OLFM3: variants seen among roughly 807,000 people sequenced by gnomAD.
The protein encoded by OLFM3 is noelin-3.
In OLFM3, 20 loss-of-function variants were observed where a neutral mutation model predicts 48.6. That is an observed-to-expected ratio of 0.41 (90% CI 0.29 to 0.60). The LOEUF (loss-of-function observed/expected upper bound fraction) is 0.60. Ranked by LOEUF, OLFM3 falls within the 20% of genes least tolerant of loss-of-function variation. The probability of loss-of-function intolerance (pLI) is 0.28; values close to 1 mark genes in which losing one functional copy is unlikely to be tolerated. For missense variants in OLFM3, 437 were observed against 544.3 expected (o/e 0.80, Z 1.96); for synonymous variants, 222 against 198.1 (o/e 1.12, Z -1.01).
intron 1 of OLFM3, among the ~76,000 whole-genome samples, chr1:101,945,894 ATTG>A (rs1659950621): frequency 6.6e-6 from 1 of 152,158 alleles, no homozygotes; most frequent in Admixed American, 6.6e-5. Context: ...ATAAATAAAT[ATTG>A]TTATTATAAT....
chr1:101,813,412 A>G (rs74106125), intron 4 of OLFM3, among the ~76,000 whole-genome samples: 2,256 of 152,226 alleles, frequency 0.015, 62 homozygotes, highest in African/African-American at 0.052. Context: ...AGCAAATTAA[A>G]CTACTGTTCC....
At chr1:101,895,970 G>GTAATAATAATAA (rs71720190) in intron 1 of OLFM3, among the ~76,000 whole-genome samples, 97 of 145,050 alleles carry the variant, frequency 6.7e-4, no homozygotes, top group Middle Eastern at 3.6e-3. Flanking sequence ...TAAAACATAG[G>GTAATAATAATAA]TAATAATAAT....
intron 1 of OLFM3, among the ~76,000 whole-genome samples, chr1:101,838,827 T>C (rs1655567977): frequency 6.6e-6 from 1 of 152,198 alleles, no homozygotes; most frequent in Admixed American, 6.5e-5. Context: ...GTTGACTTCT[T>C]TCTCCACAGA....
intron 1 of OLFM3, among the ~76,000 whole-genome samples, chr1:101,861,924 C>T (rs139707590): frequency 1.3e-5 from 2 of 152,218 alleles, no homozygotes; most frequent in African/African-American, 4.8e-5. Flanking sequence ...AGGGAGATTG[C>T]ACAGCAGAAG....
At chr1:101,822,695 A>G (rs1654666865) in intron 4 of OLFM3, among the ~76,000 whole-genome samples, 1 of 152,106 alleles carries the variant, frequency 6.6e-6, no homozygotes, top group South Asian at 2.1e-4. Context: ...TTTGAGATTT[A>G]CTTGTTATCT....
At chr1:101,959,337 CTTT>C (rs34790874) in intron 1 of OLFM3, among the ~76,000 whole-genome samples, 45 of 105,994 alleles carry the variant, frequency 4.2e-4, no homozygotes, top group African/African-American at 5.1e-4. Flanking sequence ...TCCTCCCCTC[CTTT>C]TTTTTTTTTT....
At chr1:101,914,974 G>C (rs1570626452) in intron 1 of OLFM3, among the ~76,000 whole-genome samples, 1 of 152,158 alleles carries the variant, frequency 6.6e-6, no homozygotes, top group African/African-American at 2.4e-5. Context: ...TTTTTATCTT[G>C]ATTTCATTCC....
intron 1 of OLFM3, chr1:101,837,777 C>G (rs1198508315): frequency 6.6e-6 from 1 of 152,176 alleles, no homozygotes; most frequent in East Asian, 1.9e-4. Flanking sequence ...CCAAATCGGT[C>G]TGTGTGCGTC....
intron 1 of OLFM3, among the ~76,000 whole-genome samples, chr1:101,938,370 C>T (rs1277213913): frequency 6.6e-6 from 1 of 152,168 alleles, no homozygotes; most frequent in Admixed American, 6.5e-5. Flanking sequence ...CCTGGTGAAT[C>T]TTTGGGGGAT....
chr1:101,819,434 T>C (rs1460499839), intron 4 of OLFM3, among the ~76,000 whole-genome samples: 1 of 152,042 alleles, frequency 6.6e-6, no homozygotes, highest in African/African-American at 2.4e-5. Context: ...CTAAATATTT[T>C]TTAGTGATGG....
intron 1 of OLFM3, among the ~76,000 whole-genome samples, chr1:101,928,167 T>C (rs997136670): frequency 1.5e-4 from 23 of 152,246 alleles, no homozygotes; most frequent in Middle Eastern, 3.4e-3. Context: ...CATGAAATCT[T>C]TCTTCATATG....
intron 1 of OLFM3, among the ~76,000 whole-genome samples, chr1:101,839,577 G>C (rs1195682937): frequency 6.6e-6 from 1 of 152,100 alleles, no homozygotes; most frequent in African/African-American, 2.4e-5. Flanking sequence ...AAGGATGAGA[G>C]GCCACCCAAT....
intron 1 of OLFM3, among the ~76,000 whole-genome samples, chr1:101,910,617 G>C (rs1658728835): frequency 1.3e-5 from 2 of 152,164 alleles, no homozygotes; most frequent in Admixed American, 1.3e-4. Context: ...ATGATTAGCT[G>C]TGTCAATTTC....
At chr1:101,951,345 T>TA (rs1660139958) in intron 1 of OLFM3, among the ~76,000 whole-genome samples, 1 of 152,226 alleles carries the variant, frequency 6.6e-6, no homozygotes, top group South Asian at 2.1e-4. Flanking sequence ...AGTATCAACC[T>TA]ACATTTTTGG....
intron 1 of OLFM3, among the ~76,000 whole-genome samples, chr1:101,854,134 TATG>T (rs1446808802): frequency 1.4e-5 from 2 of 148,056 alleles, no homozygotes; most frequent in East Asian, 1.9e-4. Context: ...CCTCAATAAA[TATG>T]ATAAAATTTA....
intron 1 of OLFM3, among the ~76,000 whole-genome samples, chr1:101,844,049 C>T (rs553362553): frequency 6.6e-6 from 1 of 152,226 alleles, no homozygotes; most frequent in East Asian, 1.9e-4. Flanking sequence ...AGCCAGGGAG[C>T]TGTCAACCCT....
At chr1:101,974,385 G>T (rs1005421101) in intron 1 of OLFM3, among the ~76,000 whole-genome samples, 3 of 152,082 alleles carry the variant, frequency 2.0e-5, no homozygotes, top group Non-Finnish European at 4.4e-5. Flanking sequence ...GGCTAACTAG[G>T]CTGTAAATAT....
At chr1:101,813,307 C>T (rs1654160960) in intron 4 of OLFM3, among the ~76,000 whole-genome samples, 2 of 152,122 alleles carry the variant, frequency 1.3e-5, no homozygotes, top group Non-Finnish European at 2.9e-5. Flanking sequence ...TTAAGACAGT[C>T]TTCTTAGATA....
At chr1:101,920,973 A>G (rs945996977) in intron 1 of OLFM3, among the ~76,000 whole-genome samples, 4 of 152,144 alleles carry the variant, frequency 2.6e-5, no homozygotes, top group Admixed American at 2.6e-4. Flanking sequence ...TAAGTACAAT[A>G]TTCTATTAGG....
Sources: gnomAD v4.1 joint callset for allele counts (sites outside exome capture counted in the v4.1 genomes callset) on GRCh38, gnomAD v4.1.1 for gene constraint, MANE v1.5 for transcripts, NCBI Gene and HGNC (gene_info 2026-07-23, HGNC 2026-07-21) for gene names.